Variants in PECAM1 observed in about 807,000 individuals in gnomAD.
The protein encoded by PECAM1 is platelet endothelial cell adhesion molecule.
PECAM1 carries 8 observed loss-of-function variants against 13.8 expected under a neutral mutation model. The ratio of observed to expected loss-of-function variants is 0.58; its 90% CI spans 0.34 to 1.05. The LOEUF is 1.05. PECAM1 is among the 50% of genes least tolerant of loss of function. The pLI is 0.03. For synonymous variants in PECAM1, 136 were observed against 52.6 expected (o/e 2.58, Z -6.86); for missense variants, 304 against 141.2 (o/e 2.15, Z -5.84).
rs2034863970 is a variant in PECAM1, at chr17:64,323,715, C to A, written c.*101G>T. The A allele has an allele frequency of 5.2e-6, 8 of 1,537,534 alleles. No individual in the cohort carries two copies. Among genetic ancestry groups the A allele is most frequent in the Non-Finnish European group, 7.1e-6 (8 of 1,124,928 alleles). ...ATTGCTGTGTTCTGTGGGAGCAGGG[C>A]AGGTTCATAAATAAGTGCACAGAGG... On this transcript the variant is annotated 3_prime_UTR_variant, in exon 16 of 16. Coordinates refer to ENST00000563924, the MANE Select transcript of PECAM1 (RefSeq NM_000442.5).
chr17:64,370,168 C>A (rs1056128262), intron 4 of PECAM1, 143 bp from the exon 5 acceptor site: 53 of 396,284 alleles, frequency 1.3e-4, no homozygotes, highest in Non-Finnish European at 1.9e-4. Context: ...TTCTCTAGAA[C>A]TTTTGCCTTG....
In PECAM1 at chr17:64,345,068, T is replaced by A. The variant is rs1223878288; in HGVS notation, c.2107+3192A>T. Among the ~76,000 whole-genome samples the A allele has an allele frequency of 2.0e-5, 3 of 152,254 alleles. No individual in the cohort carries two copies. In the East Asian group the frequency reaches 5.8e-4, roughly 29 times the overall value. Reference sequence around the variant, plus strand: ...GTTCTTGCTTTGTTGCCCAGGCTGGTCTTGAATGCCTGGGCTCAAGTGATC... The same window carrying A: ...GTTCTTGCTTTGTTGCCCAGGCTGGACTTGAATGCCTGGGCTCAAGTGATC... On this transcript the variant is annotated intron_variant, in intron 13 of 15. Coordinates refer to ENST00000563924, the MANE Select transcript of PECAM1 (RefSeq NM_000442.5).
At chr17:64,363,049 G>T (rs2036022429) in intron 6 of PECAM1, 100 bp downstream of exon 6, 2 of 469,152 alleles carry the variant, frequency 4.3e-6, no homozygotes, top group Admixed American at 6.3e-5. Context: ...TTCTTACCCT[G>T]CCTGAGTCTG....
chr17:64,349,550 C>T lies in PECAM1; in HGVS notation c.2044+830G>A, dbSNP rs913932586. ...CTGCAGTGAGCCAAGATTGTGCCACCGTACTCCAGCTTGGGTGACAGAGTA... is the reference window on the plus strand; with the variant it reads ...CTGCAGTGAGCCAAGATTGTGCCACTGTACTCCAGCTTGGGTGACAGAGTA... On this transcript the variant is annotated intron_variant, in intron 12 of 15. Transcript: ENST00000563924. 1.4e-3 allele frequency among the ~76,000 whole-genome samples: 169 copies of T among 117,734 alleles called. 1 individual carries two copies. The highest frequency in any genetic ancestry group is 4.6e-3 in the African/African-American group (150 of 32,740). 77.2% of individuals were successfully genotyped at this position (117,734 alleles called of 152,430 possible). A position where few individuals can be genotyped will look rare whatever the true frequency, so the allele number is the denominator to read the frequency against.
chr17:64,384,956 C>T (rs2036561681), intron 2 of PECAM1, among the ~76,000 whole-genome samples: 1 of 152,200 alleles, frequency 6.6e-6, no homozygotes, highest in African/African-American at 2.4e-5. Flanking sequence ...AACTGAATTA[C>T]TGCCTGTAGG....
At chr17:64,370,185 C>G (rs2036208830) in intron 4 of PECAM1, 160 bp from the exon 5 acceptor site, 2 of 393,808 alleles carry the variant, frequency 5.1e-6, no homozygotes, top group Non-Finnish European at 8.9e-6. Flanking sequence ...CTTGGCTGCT[C>G]TCATACTCCC....
intron 15 of PECAM1, among the ~76,000 whole-genome samples, chr17:64,325,170 TGA>T (rs1292164374): frequency 2.0e-5 from 3 of 149,520 alleles, no homozygotes; most frequent in Non-Finnish European, 4.5e-5. Flanking sequence ...GGGTGGATCA[TGA>T]GGTCAGGAGT....
rs1377790473 is a variant in PECAM1 at position 64,367,171 on chromosome 17, C to T, written c.967+2579G>A. On this transcript the variant is annotated intron_variant, in intron 5 of 15. Coordinates refer to ENST00000563924, the MANE Select transcript of PECAM1 (RefSeq NM_000442.5). ...CCCCTTGCTAGGCACTGAGAGATAG[C>T]AGTGAATAAGAAACAGTCTCTGACT... Among the ~76,000 whole-genome samples, 3 of 152,146 alleles carry T rather than the reference C, an allele frequency of 2.0e-5. No individual in the cohort carries two copies. The East Asian group carries it at 5.8e-4, about 29-fold the overall frequency.
At chr17:64,341,264 C>CAA (rs1397695290) in intron 14 of PECAM1, among the ~76,000 whole-genome samples, 4 of 136,210 alleles carry the variant, frequency 2.9e-5, no homozygotes, top group African/African-American at 1.1e-4. Flanking sequence ...ACTCCATATC[C>CAA]AAAAAAAAAA....
In PECAM1 at chr17:64,321,785, T is replaced by G; in HGVS notation, c.*2031A>C. On this transcript the variant is annotated 3_prime_UTR_variant, in exon 16 of 16. Coordinates refer to ENST00000563924, the MANE Select transcript of PECAM1 (RefSeq NM_000442.5). Reference sequence around the variant, plus strand: ...CAACAAAACAAAACAAAACAAAAAATTCAGTCGTGCTGCATAAGTAAGGCA... The same window carrying G: ...CAACAAAACAAAACAAAACAAAAAAGTCAGTCGTGCTGCATAAGTAAGGCA... 7.6e-7 allele frequency: 1 copy of G among 1,320,126 alleles called. No individual in the cohort carries two copies. Among genetic ancestry groups the G allele is most frequent in the South Asian group, 1.2e-5 (1 of 86,380 alleles). The allele number at this position is 1,320,126 out of a possible 1,614,324, so 81.8% of individuals were successfully genotyped here.
At chr17:64,330,742 C>T (rs1006595105) in intron 14 of PECAM1, among the ~76,000 whole-genome samples, 36 of 123,828 alleles carry the variant, frequency 2.9e-4, no homozygotes, top group African/African-American at 9.4e-4. Flanking sequence ...TTCTCCAAAC[C>T]CTGTTGATAC....
intron 2 of PECAM1, among the ~76,000 whole-genome samples, chr17:64,387,787 A>T (rs1365983284): frequency 6.6e-6 from 1 of 152,152 alleles, no homozygotes; most frequent in Admixed American, 6.5e-5. Flanking sequence ...TCCTGAGGTG[A>T]GGCAGCTGCA....
At chr17:64,385,834 G>C (rs1387612943) in intron 2 of PECAM1, among the ~76,000 whole-genome samples, 2 of 152,210 alleles carry the variant, frequency 1.3e-5, no homozygotes, top group Non-Finnish European at 2.9e-5. Flanking sequence ...ACACGAGGGT[G>C]TGAGAAATCC....
chr17:64,338,751 G>T (rs1399574346), intron 14 of PECAM1, among the ~76,000 whole-genome samples: 2 of 152,008 alleles, frequency 1.3e-5, no homozygotes, highest in African/African-American at 2.4e-5. Context: ...TAGAGACGGG[G>T]TTTCACCATA....
At chr17:64,328,333 T>C (rs2035013403) in intron 15 of PECAM1, among the ~76,000 whole-genome samples, 1 of 152,244 alleles carries the variant, frequency 6.6e-6, no homozygotes, top group Non-Finnish European at 1.5e-5. Context: ...CCATTATTGC[T>C]GGGACAGCAA....
At chr17:64,384,034 G>C (rs2036539491) in intron 2 of PECAM1, among the ~76,000 whole-genome samples, 1 of 152,222 alleles carries the variant, frequency 6.6e-6, no homozygotes, top group African/African-American at 2.4e-5. Context: ...AGGAGGCTGA[G>C]GCAGGAGAAT....
chr17:64,386,666 T>C (rs2143915367), intron 2 of PECAM1, among the ~76,000 whole-genome samples: 2 of 152,150 alleles, frequency 1.3e-5, no homozygotes, highest in African/African-American at 4.8e-5. Flanking sequence ...GTGTGGTGGC[T>C]CATATCTGTT....
At chr17:64,345,184 C>A (rs2035531801) in intron 13 of PECAM1, among the ~76,000 whole-genome samples, 1 of 151,964 alleles carries the variant, frequency 6.6e-6, no homozygotes, top group Admixed American at 6.6e-5. Context: ...AAAAAGAAAA[C>A]CAGGGCCGGG....
chr17:64,330,655 T>G (rs1374648973), intron 14 of PECAM1, among the ~76,000 whole-genome samples: 1 of 150,770 alleles, frequency 6.6e-6, no homozygotes, highest in Admixed American at 6.6e-5. Flanking sequence ...AAAAAATTAG[T>G]AGCACATATT....
Sources: allele counts gnomAD v4.1 joint callset (sites outside exome capture counted in the v4.1 genomes callset), GRCh38; gene constraint gnomAD v4.1.1; transcripts MANE v1.5; gene names NCBI Gene and HGNC (gene_info 2026-07-23, HGNC 2026-07-21).